Variants in TMEM255A observed in about 807,000 individuals in gnomAD.
The protein encoded by TMEM255A is transmembrane protein 255A.
In TMEM255A, 14 loss-of-function variants were observed where a neutral mutation model predicts 23.5. The ratio of observed to expected loss-of-function variants is 0.60; its 90% CI spans 0.39 to 0.93. TMEM255A has a LOEUF of 0.93. TMEM255A is among the 40% of genes least tolerant of loss of function. TMEM255A has a pLI of 0.00. For missense variants in TMEM255A, 233 were observed against 261.7 expected (o/e 0.89, Z 0.76); for synonymous variants, 104 against 100.3 (o/e 1.04, Z -0.22).
intron 6 of TMEM255A, among the ~76,000 whole-genome samples, chrX:120,277,684 G>A (rs1469934313): frequency 8.9e-6 from 1 of 112,216 alleles, no homozygotes; most frequent in African/African-American, 3.2e-5. Context: ...GTAGAACTGG[G>A]ACCTGAATTC....
chrX:120,285,579 A>G (rs782456074), intron 5 of TMEM255A: 1 of 1,204,695 alleles, frequency 8.3e-7, no homozygotes, highest in Non-Finnish European at 1.1e-6. Flanking sequence ...TAAGGTGGGA[A>G]GGAAGACAGA....
intron 2 of TMEM255A, among the ~76,000 whole-genome samples, chrX:120,301,381 G>C (rs73639521): frequency 0.09 from 10,047 of 111,890 alleles, 355 homozygotes; most frequent in South Asian, 0.18. Context: ...TTTAATCAGA[G>C]TCTAAAACAG....
chrX:120,298,617 T>A (rs1482581674), intron 2 of TMEM255A, among the ~76,000 whole-genome samples: 1 of 111,231 alleles, frequency 9.0e-6, no homozygotes, highest in Non-Finnish European at 1.9e-5. Context: ...ATGTATTGTA[T>A]AATTTTTCTA....
chrX:120,285,885 A>G (rs2057871875), intron 5 of TMEM255A: 2 of 1,191,902 alleles, frequency 1.7e-6, no homozygotes, highest in Non-Finnish European at 2.3e-6. Flanking sequence ...AATTTCATTT[A>G]CCATCTCTTG....
intron 2 of TMEM255A, among the ~76,000 whole-genome samples, chrX:120,296,784 C>A (rs868949008): frequency 1.9e-4 from 1 of 5,279 alleles, no homozygotes; most frequent in Non-Finnish European, 4.9e-4. Context: ...TATTATATAT[C>A]ATATATAATA....
downstream of TMEM255A, chrX:120,257,701 T>C (rs1371434762): frequency 8.1e-6 from 1 of 123,437 alleles, no homozygotes; most frequent in African/African-American, 3.2e-5. Context: ...TCTTCAGTTT[T>C]TCTATAAGTT....
At chrX:120,303,818 T>C (rs906888376) in intron 2 of TMEM255A, among the ~76,000 whole-genome samples, 5 of 111,740 alleles carry the variant, frequency 4.5e-5, no homozygotes, top group Non-Finnish European at 9.4e-5. Context: ...TTTTTGAATG[T>C]TCATTTTTAT....
chrX:120,270,286 AGTGTGTGTTTGTGTGTGT>A (rs2057748097), intron 7 of TMEM255A, among the ~76,000 whole-genome samples: 1 of 107,924 alleles, frequency 9.3e-6, no homozygotes. Context: ...CACGTATAGG[AGTGTGTGTTTGTGTGTGT>A]GTGTGTGTAT....
chrX:120,280,859 G>A (rs1328083187), intron 6 of TMEM255A, among the ~76,000 whole-genome samples: 2 of 109,088 alleles, frequency 1.8e-5, no homozygotes, highest in Non-Finnish European at 3.8e-5. Flanking sequence ...TTCTCCCCCT[G>A]CATTGAAGGT....
chrX:120,287,069 T>G, intron 5 of TMEM255A, 85 bp downstream of exon 5: 1 of 819,552 alleles, frequency 1.2e-6, no homozygotes, highest in Non-Finnish European at 1.9e-6. Context: ...CTTAGGCCCA[T>G]GAAAAGGAGT....
chrX:120,270,370 C>A (rs868955558), intron 7 of TMEM255A, among the ~76,000 whole-genome samples: 2 of 108,091 alleles, frequency 1.9e-5, no homozygotes, highest in African/African-American at 6.8e-5. Context: ...CCCTGCCCCC[C>A]CATTATTGAT....
rs782304124 is a variant in TMEM255A, at chrX:120,259,263, A to G, written c.*1607T>C. 3 of 113,116 alleles carry G rather than the reference A, an allele frequency of 2.7e-5. No individual in the cohort carries two copies. Among genetic ancestry groups the G allele is most frequent in the Non-Finnish European group, 3.7e-5 (2 of 53,344 alleles). The allele number at this position is 113,116 out of a possible 1,213,427, so 9.3% of individuals were successfully genotyped here. On this transcript the variant is annotated 3_prime_UTR_variant, in exon 9 of 9. Transcript: ENST00000371369. ...TTTAATATGCTCAGAACTGTAAAAAATCATAGTAATTTTGTATAACATAAA... is the reference window on the plus strand; with the variant it reads ...TTTAATATGCTCAGAACTGTAAAAAGTCATAGTAATTTTGTATAACATAAA...
At chrX:120,263,890 T>C (rs1556017068) in intron 8 of TMEM255A, among the ~76,000 whole-genome samples, 1 of 111,426 alleles carries the variant, frequency 9.0e-6, no homozygotes, top group Non-Finnish European at 1.9e-5. Flanking sequence ...CCATAAACTG[T>C]ACCCTCCTAG....
At chrX:120,253,940 C>T (rs369248547), downstream of TMEM255A, 2 of 1,204,892 alleles carry the variant, frequency 1.7e-6, no homozygotes, top group African/African-American at 1.8e-5. Flanking sequence ...CATTATCTGC[C>T]GAAGATTATG....
Position 120,259,232 on chromosome X carries a change from T to C in TMEM255A, c.*1638A>G. The C allele has an allele frequency of 8.8e-6, 1 of 113,125 alleles. No individual in the cohort carries two copies. The highest frequency in any genetic ancestry group is 2.8e-4 in the East Asian group (1 of 3,635). 9.3% of individuals were successfully genotyped at this position (113,125 alleles called of 1,213,427 possible). ...GTATTAGTCTCTTTTTGAAATCCAG[T>C]AGAATTTTAATATGCTCAGAACTGT... On this transcript the variant is annotated 3_prime_UTR_variant, in exon 9 of 9. Coordinates refer to ENST00000371369, the MANE Select transcript of TMEM255A (RefSeq NM_001104544.3).
At chrX:120,291,430 A>C in intron 3 of TMEM255A, 90 bp from the exon 4 acceptor site, 2 of 739,925 alleles carry the variant, frequency 2.7e-6, no homozygotes, top group Admixed American at 2.8e-5. Flanking sequence ...CTTCCAGCCA[A>C]AGCAGAACTC....
At chrX:120,296,759 T>A (rs868965406) in intron 2 of TMEM255A, among the ~76,000 whole-genome samples, 1 of 10,509 alleles carries the variant, frequency 9.5e-5, no homozygotes, top group African/African-American at 9.3e-4. Flanking sequence ...TATTATATAT[T>A]ATATATATTA....
At chrX:120,309,714 C>T (rs2058087078) in intron 1 of TMEM255A, among the ~76,000 whole-genome samples, 1 of 111,537 alleles carries the variant, frequency 9.0e-6, no homozygotes, top group African/African-American at 3.3e-5. Flanking sequence ...CTCTCTCTCG[C>T]TCTCGCGCTC....
intron 6 of TMEM255A, among the ~76,000 whole-genome samples, chrX:120,282,049 C>T (rs782341489): frequency 9.0e-5 from 10 of 110,915 alleles, no homozygotes; most frequent in Middle Eastern, 4.6e-3. Context: ...GGAAATGGAC[C>T]GGAGGAGCTG....
Sources: gnomAD v4.1 joint callset for allele counts (sites outside exome capture counted in the v4.1 genomes callset) on GRCh38, gnomAD v4.1.1 for gene constraint, MANE v1.5 for transcripts, NCBI Gene and HGNC (gene_info 2026-07-23, HGNC 2026-07-21) for gene names.